Variants in DISP1 observed in about 807,000 individuals in gnomAD.
DISP1 encodes the protein protein dispatched homolog 1.
In DISP1, 30 loss-of-function variants were observed where a neutral mutation model predicts 37.3. The ratio of observed to expected loss-of-function variants is 0.80; its 90% CI spans 0.60 to 1.09. The LOEUF is 1.09. DISP1 is among the 50% of genes least tolerant of loss of function. The pLI is 0.00. For missense variants in DISP1, 1,598 were observed against 1,879.5 expected, an observed-to-expected ratio of 0.85 and a Z score of 2.77; for synonymous variants, 634 against 690.2, an observed-to-expected ratio of 0.92 and a Z score of 1.28.
intron 8 of DISP1, among the ~76,000 whole-genome samples, chr1:222,997,543 A>G (rs936592120): frequency 6.6e-6 from 1 of 152,210 alleles, no homozygotes; most frequent in African/African-American, 2.4e-5. Context: ...AGAAAACATT[A>G]CAGTAAAAGC....
intron 1 of DISP1, among the ~76,000 whole-genome samples, chr1:222,820,231 C>T (rs887121490): frequency 1.3e-5 from 2 of 152,072 alleles, no homozygotes; most frequent in African/African-American, 4.8e-5. Flanking sequence ...AGGTGGTATT[C>T]GGGCTATTCA....
intron 1 of DISP1, among the ~76,000 whole-genome samples, chr1:222,881,836 T>G (rs578009799): frequency 1.3e-5 from 2 of 152,346 alleles, no homozygotes; most frequent in South Asian, 4.1e-4. Context: ...CATAAAGATA[T>G]TCTTATACTA....
At chr1:222,852,742 C>G (rs1436058614) in intron 1 of DISP1, among the ~76,000 whole-genome samples, 1 of 152,200 alleles carries the variant, frequency 6.6e-6, no homozygotes, top group Admixed American at 6.5e-5. Flanking sequence ...CCTTGGCTCT[C>G]CTGGGGAATA....
intron 4 of DISP1, among the ~76,000 whole-genome samples, chr1:222,984,373 A>C (rs1678066342): frequency 7.1e-6 from 1 of 141,650 alleles, no homozygotes. Context: ...CACTACACTC[A>C]AGCCTGGGTG....
At chr1:222,949,096 C>T (rs555442207) in intron 3 of DISP1, among the ~76,000 whole-genome samples, 55 of 151,838 alleles carry the variant, frequency 3.6e-4, no homozygotes, top group African/African-American at 1.2e-3. Flanking sequence ...TTTAGTGTTC[C>T]GATTAATAAA....
chr1:223,005,155 A>G lies in DISP1; in HGVS notation c.3758A>G (p.Gln1253Arg). The G allele has an allele frequency of 6.2e-7, 1 of 1,614,194 alleles. No individual in the cohort carries two copies. The highest frequency in any genetic ancestry group is 8.5e-7 in the Non-Finnish European group (1 of 1,180,022). The change falls in exon 9 of 9, where the codon CAG (glutamine) becomes CGG (arginine). Residue 1253 changes from glutamine (Q) to arginine (R), a missense_variant. Gln to Arg is a conservative substitution (Grantham distance 43). Coordinates refer to ENST00000675850, the MANE Select transcript of DISP1 (RefSeq NM_001377229.1). ...TESDAGSALL[Q>R]PPLEQHTVCH... Reference sequence around the variant, plus strand: ...AGTGACGCTGGCTCTGCCTTGTTACAGCCCCCTCTTGAACAGCATACCGTG... The same window carrying G: ...AGTGACGCTGGCTCTGCCTTGTTACGGCCCCCTCTTGAACAGCATACCGTG...
chr1:222,987,844 C>G (rs1678389076), intron 4 of DISP1, among the ~76,000 whole-genome samples: 1 of 152,124 alleles, frequency 6.6e-6, no homozygotes, highest in Non-Finnish European at 1.5e-5. Context: ...ATTTTCATTT[C>G]ACAGGGCTGA....
At chr1:222,910,938 T>C (rs1415070991) in intron 1 of DISP1, among the ~76,000 whole-genome samples, 1 of 152,196 alleles carries the variant, frequency 6.6e-6, no homozygotes, top group Non-Finnish European at 1.5e-5. Flanking sequence ...TTGGAATCCT[T>C]CTAGTAGGCA....
At chr1:222,864,732 A>G (rs2125332173) in intron 1 of DISP1, among the ~76,000 whole-genome samples, 1 of 152,302 alleles carries the variant, frequency 6.6e-6, no homozygotes, top group Non-Finnish European at 1.5e-5. Context: ...AGTGTGAAAT[A>G]TGTTCTTCAT....
At chr1:222,844,075 G>A (rs953262530) in intron 1 of DISP1, among the ~76,000 whole-genome samples, 12 of 151,796 alleles carry the variant, frequency 7.9e-5, no homozygotes, top group African/African-American at 2.7e-4. Context: ...TTTTAAAACA[G>A]CATTTACACA....
At chr1:222,884,432 C>G (rs972001029) in intron 1 of DISP1, among the ~76,000 whole-genome samples, 1 of 152,172 alleles carries the variant, frequency 6.6e-6, no homozygotes, top group Admixed American at 6.5e-5. Context: ...GTAGTCTCTT[C>G]CAATCTGTTA....
At chr1:222,998,725 C>T (rs1190290767) in intron 8 of DISP1, among the ~76,000 whole-genome samples, 1 of 152,114 alleles carries the variant, frequency 6.6e-6, no homozygotes, top group African/African-American at 2.4e-5. Context: ...GTTCCATAGT[C>T]TTTGTACAAT....
chr1:222,911,165 G>T (rs1283280919), intron 1 of DISP1, among the ~76,000 whole-genome samples: 1 of 152,078 alleles, frequency 6.6e-6, no homozygotes, highest in Non-Finnish European at 1.5e-5. Flanking sequence ...AATTTGAAAG[G>T]CTCTACCTCT....
At chr1:222,984,898 T>C (rs1191269276) in intron 4 of DISP1, among the ~76,000 whole-genome samples, 4 of 152,210 alleles carry the variant, frequency 2.6e-5, no homozygotes, top group Non-Finnish European at 5.9e-5. Flanking sequence ...TATTTGTCCC[T>C]TTGGAACTGG....
At chr1:222,959,952 C>T (rs995907917) in intron 3 of DISP1, among the ~76,000 whole-genome samples, 5 of 152,034 alleles carry the variant, frequency 3.3e-5, no homozygotes, top group Admixed American at 1.3e-4. Flanking sequence ...TATATGCACC[C>T]AATAAAGGAG....
chr1:222,903,577 A>G (rs925179542), intron 1 of DISP1, among the ~76,000 whole-genome samples: 3 of 152,150 alleles, frequency 2.0e-5, no homozygotes, highest in African/African-American at 7.2e-5. Flanking sequence ...TAATGCAACC[A>G]ATTGCTTATT....
At chr1:222,985,339 A>C (rs1678190112) in intron 4 of DISP1, among the ~76,000 whole-genome samples, 1 of 152,228 alleles carries the variant, frequency 6.6e-6, no homozygotes, top group South Asian at 2.1e-4. Context: ...AAAACATTTC[A>C]TCTGTACCCC....
intron 3 of DISP1, among the ~76,000 whole-genome samples, chr1:222,971,724 T>G (rs1676972849): frequency 1.3e-5 from 2 of 152,116 alleles, no homozygotes; most frequent in Admixed American, 6.5e-5. Context: ...TGAGCAAATT[T>G]GAGATGGGAT....
chr1:222,919,588 C>A (rs1400766832), intron 1 of DISP1, among the ~76,000 whole-genome samples: 1 of 152,198 alleles, frequency 6.6e-6, no homozygotes. Context: ...CGTCTGTCCC[C>A]CTTCGTTCAG....
Sources: gnomAD v4.1 joint callset for allele counts (sites outside exome capture counted in the v4.1 genomes callset) on GRCh38, gnomAD v4.1.1 for gene constraint, MANE v1.5 for transcripts, NCBI Gene and HGNC (gene_info 2026-07-23, HGNC 2026-07-21) for gene names.